Variants in GYPE observed in about 807,000 individuals in gnomAD.
GYPE encodes the protein glycophorin-E.
In GYPE, 8 loss-of-function variants were observed where a neutral mutation model predicts 11.6. That is an observed-to-expected ratio of 0.69 (90% CI 0.41 to 1.25). The LOEUF (loss-of-function observed/expected upper bound fraction) is 1.25. GYPE is among the 50% of genes most tolerant of loss of function. The probability of loss-of-function intolerance (pLI) is 0.01; values close to 1 mark genes in which losing one functional copy is unlikely to be tolerated. For missense variants in GYPE, 90 were observed against 92.8 expected, an observed-to-expected ratio of 0.97 and a Z score of 0.12; for synonymous variants, 28 against 29.6, an observed-to-expected ratio of 0.94 and a Z score of 0.18.
intron 1 of GYPE, among the ~76,000 whole-genome samples, chr4:143,893,887 A>G (rs1013582268): frequency 1.4e-4 from 21 of 152,268 alleles, no homozygotes; most frequent in Admixed American, 7.2e-4. Context: ...GTTCTCCTGG[A>G]TAATATCCTG....
intron 1 of GYPE, among the ~76,000 whole-genome samples, chr4:143,895,148 C>A (rs1221268734): frequency 6.6e-6 from 1 of 152,170 alleles, no homozygotes; most frequent in Non-Finnish European, 1.5e-5. Context: ...ATTGGAAGTT[C>A]TGGCCAGGGC....
At chr4:143,875,397 G>T (rs1743756398) in intron 3 of GYPE, 2 of 1,483,702 alleles carry the variant, frequency 1.3e-6, no homozygotes, top group East Asian at 2.5e-5. Context: ...ATAGCCAAGG[G>T]TTGGGGCATA....
intron 1 of GYPE, among the ~76,000 whole-genome samples, chr4:143,881,465 A>C (rs548686447): frequency 6.6e-6 from 1 of 152,268 alleles, no homozygotes; most frequent in South Asian, 2.1e-4. Context: ...CAGCCTATGC[A>C]AGGTTGAACA....
intron 1 of GYPE, among the ~76,000 whole-genome samples, chr4:143,896,473 A>T (rs1434984621): frequency 2.6e-5 from 4 of 152,228 alleles, no homozygotes; most frequent in East Asian, 1.9e-4. Context: ...ATCTCACACC[A>T]GTTAGAATGG....
chr4:143,874,564 T>C (rs1170565253), intron 3 of GYPE, among the ~76,000 whole-genome samples: 1 of 152,220 alleles, frequency 6.6e-6, no homozygotes, highest in East Asian at 1.9e-4. Flanking sequence ...GCATACAGCA[T>C]ATGGCCAAGG....
In GYPE at chr4:143,902,527, T is replaced by C. The variant is rs546766265; in HGVS notation, c.37+2944A>G. 1.3e-4 allele frequency among the ~76,000 whole-genome samples: 20 copies of C among 151,936 alleles called. No individual in the cohort carries two copies. In the South Asian group the frequency reaches 4.0e-3, roughly 30 times the overall value. ...TCCTTTCCTCCTCCCCTTCCTCCTGTCTCTTCCTTTCCCTTCTCTCTTCTC... is the reference window on the plus strand; with the variant it reads ...TCCTTTCCTCCTCCCCTTCCTCCTGCCTCTTCCTTTCCCTTCTCTCTTCTC... On this transcript the variant is annotated intron_variant, in intron 1 of 3. Coordinates refer to ENST00000358615, the MANE Select transcript of GYPE (RefSeq NM_198682.3).
At chr4:143,892,845 G>A (rs1043771757) in intron 1 of GYPE, among the ~76,000 whole-genome samples, 2 of 149,860 alleles carry the variant, frequency 1.3e-5, no homozygotes, top group Non-Finnish European at 3.0e-5. Context: ...GCAGAGCTGA[G>A]TTCAATTCCT....
At position 143,871,898 on chromosome 4, in the gene GYPE, A is replaced by G. The variant is rs1309714881; in HGVS notation, c.*364T>C. 6.6e-6 allele frequency: 1 copy of G among 152,172 alleles called. No individual in the cohort carries two copies. Among genetic ancestry groups the G allele is most frequent in the East Asian group, 1.9e-4 (1 of 5,186 alleles). 9.4% of individuals were successfully genotyped at this position (152,172 alleles called of 1,614,324 possible). ...TGGGTAAGGACCTCAGAGTATTCAA[A>G]GTATCAAATGGAATGTGACTGAAGA... On this transcript the variant is annotated 3_prime_UTR_variant, in exon 4 of 4. Transcript: ENST00000358615.
At chr4:143,879,585 C>A (rs1417474352) in intron 2 of GYPE, among the ~76,000 whole-genome samples, 5 of 152,114 alleles carry the variant, frequency 3.3e-5, no homozygotes, top group Non-Finnish European at 7.3e-5. Context: ...GACTCCAGAG[C>A]AACTATTTAA....
At chr4:143,895,805 A>C (rs1744606616) in intron 1 of GYPE, among the ~76,000 whole-genome samples, 1 of 151,986 alleles carries the variant, frequency 6.6e-6, no homozygotes. Flanking sequence ...GTACCAAAAC[A>C]GAGATATAGA....
At chr4:143,889,145 G>A (rs1427482025) in intron 1 of GYPE, among the ~76,000 whole-genome samples, 2 of 150,278 alleles carry the variant, frequency 1.3e-5, no homozygotes, top group Non-Finnish European at 3.0e-5. Flanking sequence ...AGAGAAGGGT[G>A]CTGTATTTAT....
chr4:143,882,701 T>G (rs1485503470), intron 1 of GYPE, among the ~76,000 whole-genome samples: 1 of 152,162 alleles, frequency 6.6e-6, no homozygotes, highest in Non-Finnish European at 1.5e-5. Context: ...TCACTTCCAT[T>G]TCTAACTTTC....
chr4:143,905,371 A>G, intron 1 of GYPE, 100 bp downstream of exon 1: 1 of 1,569,838 alleles, frequency 6.4e-7, no homozygotes, highest in East Asian at 2.3e-5. Flanking sequence ...CTACTCATTT[A>G]TGCATTTAAA....
intron 1 of GYPE, among the ~76,000 whole-genome samples, chr4:143,904,239 T>C (rs1299965231): frequency 6.6e-6 from 1 of 152,028 alleles, no homozygotes; most frequent in Non-Finnish European, 1.5e-5. Flanking sequence ...TAATATATTA[T>C]TAATACTTAT....
At chr4:143,901,031 C>A (rs1744845808) in intron 1 of GYPE, among the ~76,000 whole-genome samples, 1 of 152,172 alleles carries the variant, frequency 6.6e-6, no homozygotes, top group South Asian at 2.1e-4. Context: ...TCGCTTAGAA[C>A]AGTGCATGGC....
At chr4:143,889,601 A>G (rs1242739478) in intron 1 of GYPE, among the ~76,000 whole-genome samples, 1 of 152,224 alleles carries the variant, frequency 6.6e-6, no homozygotes, top group Non-Finnish European at 1.5e-5. Flanking sequence ...TCCTAGGCTC[A>G]AGCAATTCTC....
intron 1 of GYPE, among the ~76,000 whole-genome samples, chr4:143,896,629 C>A (rs894548852): frequency 1.3e-5 from 2 of 152,142 alleles, no homozygotes; most frequent in Admixed American, 6.5e-5. Flanking sequence ...ACTAGAAATA[C>A]CATTTGACCC....
intron 3 of GYPE, among the ~76,000 whole-genome samples, chr4:143,875,125 A>G (rs1743745012): frequency 6.6e-6 from 1 of 152,132 alleles, no homozygotes; most frequent in Non-Finnish European, 1.5e-5. Context: ...AACATATTTC[A>G]CATGAGACTT....
At chr4:143,903,532 A>AG (rs1259020015) in intron 1 of GYPE, among the ~76,000 whole-genome samples, 2 of 149,834 alleles carry the variant, frequency 1.3e-5, no homozygotes, top group African/African-American at 2.5e-5. Flanking sequence ...AGCAAAAAAA[A>AG]AAAAAAAAAA....
Sources: gnomAD v4.1 joint callset for allele counts (sites outside exome capture counted in the v4.1 genomes callset) on GRCh38, gnomAD v4.1.1 for gene constraint, MANE v1.5 for transcripts, NCBI Gene and HGNC (gene_info 2026-07-23, HGNC 2026-07-21) for gene names.